Variants in SYNPO2 observed in about 807,000 individuals in gnomAD.
The protein encoded by SYNPO2 is synaptopodin 2, also known as synaptopodin-2.
Under a neutral mutation model 85.0 loss-of-function variants are expected in SYNPO2, and 56 were observed. The ratio of observed to expected loss-of-function variants is 0.66; its 90% confidence interval spans 0.53 to 0.82. SYNPO2 has a LOEUF of 0.82. SYNPO2 is among the 40% of genes least tolerant of loss of function. SYNPO2 has a pLI of 0.00. For synonymous variants in SYNPO2, 602 were observed against 591.1 expected, an observed-to-expected ratio of 1.02 and a Z score of -0.27; for missense variants, 1,575 against 1,534.2, an observed-to-expected ratio of 1.03 and a Z score of -0.44.
chr4:118,886,032 C>G (rs950111650), upstream of SYNPO2, among the ~76,000 whole-genome samples: 2 of 152,036 alleles, frequency 1.3e-5, no homozygotes, highest in Non-Finnish European at 2.9e-5. Flanking sequence ...CAAGTTCCTG[C>G]ACAGAATAAA....
At chr4:118,968,377 A>C (rs1735394714) in intron 1 of SYNPO2, among the ~76,000 whole-genome samples, 1 of 152,174 alleles carries the variant, frequency 6.6e-6, no homozygotes, top group Non-Finnish European at 1.5e-5. Flanking sequence ...GGCTCCACAG[A>C]GATGTCTTTT....
intron 1 of SYNPO2, among the ~76,000 whole-genome samples, chr4:118,979,691 A>T (rs1218052817): frequency 6.6e-6 from 1 of 152,232 alleles, no homozygotes. Flanking sequence ...ATGACAGGGT[A>T]GCAACAGAGG....
intron 1 of SYNPO2, among the ~76,000 whole-genome samples, chr4:118,995,217 T>C (rs950779137): frequency 6.6e-6 from 1 of 152,140 alleles, no homozygotes; most frequent in African/African-American, 2.4e-5. Context: ...ATTTGCAAAG[T>C]TCTTTAAACA....
At chr4:119,037,112 G>A in intron 4 of SYNPO2, 4 of 1,535,920 alleles carry the variant, frequency 2.6e-6, no homozygotes, top group Non-Finnish European at 3.5e-6. Flanking sequence ...TCTGTGACAG[G>A]TGAAATGTAA....
chr4:118,958,763 G>A (rs1474031141), intron 1 of SYNPO2, among the ~76,000 whole-genome samples: 25 of 152,194 alleles, frequency 1.6e-4, no homozygotes, highest in Non-Finnish European at 1.5e-5. Flanking sequence ...CCAGGAGCAA[G>A]GTGACTTGGT....
chr4:118,906,429 A>G (rs1334766240), intron 1 of SYNPO2, among the ~76,000 whole-genome samples: 1 of 152,164 alleles, frequency 6.6e-6, no homozygotes, highest in Non-Finnish European at 1.5e-5. Flanking sequence ...TACCTTAACT[A>G]TATCACTGAC....
chr4:118,864,636 A>G (rs953696318), intron 1 of SYNPO2, among the ~76,000 whole-genome samples: 7 of 152,110 alleles, frequency 4.6e-5, no homozygotes, highest in Admixed American at 3.3e-4. Flanking sequence ...AGTGTTGGGT[A>G]TGTATTTATT....
chr4:119,050,469 A>T (rs568287703), intron 4 of SYNPO2, among the ~76,000 whole-genome samples: 1 of 152,248 alleles, frequency 6.6e-6, no homozygotes, highest in East Asian at 1.9e-4. Flanking sequence ...ACCCTTGGGG[A>T]AATTACTTAC....
intron 1 of SYNPO2, among the ~76,000 whole-genome samples, chr4:119,019,442 G>A (rs1394645941): frequency 6.6e-6 from 1 of 152,078 alleles, no homozygotes; most frequent in Non-Finnish European, 1.5e-5. Context: ...TGCTCACGCA[G>A]GTATTTTGTG....
intron 1 of SYNPO2, among the ~76,000 whole-genome samples, chr4:118,852,887 G>A (rs1323598915): frequency 6.6e-6 from 1 of 152,050 alleles, no homozygotes; most frequent in Non-Finnish European, 1.5e-5. Context: ...TAAAAACATT[G>A]ATTTTCTGGG....
intron 1 of SYNPO2, among the ~76,000 whole-genome samples, chr4:118,867,210 C>A (rs1324900388): frequency 6.6e-6 from 1 of 152,138 alleles, no homozygotes; most frequent in African/African-American, 2.4e-5. Flanking sequence ...ACCTTAAACA[C>A]TTTAAAAGAA....
chr4:119,008,789 C>A (rs562584595), intron 1 of SYNPO2, among the ~76,000 whole-genome samples: 1 of 151,988 alleles, frequency 6.6e-6, no homozygotes, highest in Non-Finnish European at 1.5e-5. Flanking sequence ...TTAACTCTTA[C>A]TAAACATTTT....
chr4:119,030,559 C>G lies in SYNPO2; in HGVS notation c.1784C>G (p.Ser595Cys), dbSNP rs924938250. The G allele has an allele frequency of 1.2e-6, 2 of 1,614,174 alleles. No homozygotes were observed. The highest frequency in any genetic ancestry group is 1.7e-6 in the Non-Finnish European group (2 of 1,180,034). ...AGAACGGCCAAACCCTTCCCAGGGT[C>G]TGTGAATCAGCCAGCTACCCCCTTC... ...MNRTAKPFPG[S>C]VNQPATPFSP... The change falls in exon 4 of 5, where the codon TCT becomes TGT. Residue 595 changes from serine (S) to cysteine (C), a missense_variant. Physicochemically the swap from Ser to Cys is moderately radical, Grantham distance 112 (BLOSUM62 -1). Coordinates refer to ENST00000307142, the MANE Select transcript of SYNPO2 (RefSeq NM_133477.3).
chr4:119,057,547 A>G lies in SYNPO2; in HGVS notation c.3399A>G (p.Glu1133=), dbSNP rs548544835. The change falls in exon 5 of 5, where the codon GAA becomes GAG. Residue 1133 remains glutamate (E), a synonymous_variant. Coordinates refer to ENST00000307142, the MANE Select transcript of SYNPO2 (RefSeq NM_133477.3). ...EKANKRPTPW[E]AAAKSPLGLV... is the part of the protein sequence containing the mutation. ...CAAACAAGAGACCAACTCCTTGGGA[A>G]GCAGCAGCAAAGTCTCCTCTCGGTC... The G allele has an allele frequency of 6.2e-7, 1 of 1,614,108 alleles. No individual in the cohort carries two copies. The highest frequency in any genetic ancestry group is 1.7e-5 in the Admixed American group (1 of 60,012).
chr4:119,040,731 G>A (rs1367151327), intron 4 of SYNPO2, among the ~76,000 whole-genome samples: 4 of 152,168 alleles, frequency 2.6e-5, no homozygotes, highest in Non-Finnish European at 4.4e-5. Flanking sequence ...CATAGTTGAA[G>A]CTTAAATAGG....
chr4:118,892,783 CAA>C (rs1262322108), intron 1 of SYNPO2, among the ~76,000 whole-genome samples: 1 of 152,002 alleles, frequency 6.6e-6, no homozygotes, highest in Non-Finnish European at 1.5e-5. Flanking sequence ...GAATTTAGTT[CAA>C]AGTTTCAAAT....
chr4:118,961,580 C>T (rs1003600050), intron 1 of SYNPO2, among the ~76,000 whole-genome samples: 2 of 152,160 alleles, frequency 1.3e-5, no homozygotes, highest in Admixed American at 6.5e-5. Context: ...TGCTCTATCA[C>T]GTTAGTCTAT....
chr4:119,025,803 G>T (rs926812802), intron 2 of SYNPO2, among the ~76,000 whole-genome samples: 2 of 152,178 alleles, frequency 1.3e-5, no homozygotes, highest in Non-Finnish European at 2.9e-5. Flanking sequence ...GTTTCAGAAA[G>T]AAGTTATTTA....
chr4:119,034,280 A>T (rs1370265542), intron 4 of SYNPO2: 1 of 985,244 alleles, frequency 1.0e-6, no homozygotes. Context: ...TAGAGGAAAG[A>T]CATGGAACAC....
Sources: gnomAD v4.1 joint callset for allele counts (sites outside exome capture counted in the v4.1 genomes callset) on GRCh38, gnomAD v4.1.1 for gene constraint, MANE v1.5 for transcripts, NCBI Gene and HGNC (gene_info 2026-07-23, HGNC 2026-07-21) for gene names.